The following GLRA2 variants were observed in gnomAD, a reference collection of about 807,000 sequenced individuals.
GLRA2 encodes glycine receptor alpha 2.
In GLRA2, 11 loss-of-function variants were observed where a neutral mutation model predicts 31.6. That is an observed-to-expected ratio of 0.35 (90% CI 0.22 to 0.58). GLRA2 has a LOEUF of 0.58. Ranked by LOEUF, GLRA2 falls within the 20% of genes least tolerant of loss-of-function variation. The pLI is 0.84. For missense variants in GLRA2, 212 were observed against 351.8 expected, an observed-to-expected ratio of 0.60 and a Z score of 3.18; for synonymous variants, 132 against 134.0, an observed-to-expected ratio of 0.99 and a Z score of 0.10.
chrX:14,686,914 T>C (rs755832699), intron 7 of GLRA2, among the ~76,000 whole-genome samples: 13 of 112,322 alleles, frequency 1.2e-4, no homozygotes, highest in African/African-American at 4.2e-4. Flanking sequence ...CTAGCCTCGA[T>C]GGTCTTTGTT....
chrX:14,515,814 C>T, the GLRA2 span, among the ~76,000 whole-genome samples: 1 of 111,347 alleles, frequency 9.0e-6, no homozygotes, highest in African/African-American at 3.3e-5. Flanking sequence ...CCTTGTTATG[C>T]CATGTGTCTT....
chrX:14,562,165 C>G (rs897360750), intron 2 of GLRA2, among the ~76,000 whole-genome samples: 1 of 112,353 alleles, frequency 8.9e-6, no homozygotes, highest in Admixed American at 9.4e-5. Context: ...ATCAACAAAA[C>G]GGCACAGTAG....
Position 14,609,169 on chromosome X carries a change from C to G in GLRA2, c.894C>G (p.Thr298=). The change falls in exon 7 of 9, where the codon ACC becomes ACG. Residue 298 remains threonine, a synonymous_variant. Coordinates refer to ENST00000218075, the MANE Select transcript of GLRA2 (RefSeq NM_002063.4). ...ALGITTVLTM[T]TQSSGSRASL... ...GCATCACCACAGTCTTAACGATGAC[C>G]ACCCAGAGTTCAGGCTCCAGGGCAT... 3.3e-6 allele frequency: 4 copies of G among 1,198,697 alleles called. No individual in the cohort carries two copies. Among genetic ancestry groups the G allele is most frequent in the Non-Finnish European group, 4.5e-6 (4 of 884,397 alleles).
At chrX:14,487,725 T>C in the GLRA2 span, among the ~76,000 whole-genome samples, 1 of 111,952 alleles carries the variant, frequency 8.9e-6, no homozygotes, top group African/African-American at 3.2e-5. Flanking sequence ...GTAGGACATA[T>C]AAGTGGGCAA....
At chrX:14,607,289 T>C (rs2090345080) in intron 6 of GLRA2, 21 bp downstream of exon 6, 2 of 1,141,570 alleles carry the variant, frequency 1.8e-6, no homozygotes, top group Non-Finnish European at 2.3e-6. Flanking sequence ...TTTTTTTTTT[T>C]TTTCAGCTGT....
the GLRA2 span, among the ~76,000 whole-genome samples, chrX:14,485,843 C>T: frequency 9.0e-6 from 1 of 111,597 alleles, no homozygotes; most frequent in African/African-American, 3.3e-5. Flanking sequence ...TCATGTAGCT[C>T]CTCTACTGAA....
At chrX:14,513,900 C>G in the GLRA2 span, among the ~76,000 whole-genome samples, 1 of 111,789 alleles carries the variant, frequency 8.9e-6, no homozygotes, top group Non-Finnish European at 1.9e-5. Context: ...TTTGATCCAG[C>G]AATCCCCTTA....
intron 7 of GLRA2, among the ~76,000 whole-genome samples, chrX:14,688,419 C>A (rs907001735): frequency 9.0e-6 from 1 of 111,492 alleles, no homozygotes; most frequent in Non-Finnish European, 1.9e-5. Flanking sequence ...CAGAGTCAGG[C>A]AGGCCTCCTT....
At chrX:14,451,339 G>A in the GLRA2 span, among the ~76,000 whole-genome samples, 1 of 110,508 alleles carries the variant, frequency 9.0e-6, no homozygotes, top group Non-Finnish European at 1.9e-5. Context: ...CACTTAAAAG[G>A]CACAGAGTGG....
intron 4 of GLRA2, among the ~76,000 whole-genome samples, chrX:14,588,214 T>C (rs1389390871): frequency 8.9e-6 from 1 of 111,996 alleles, no homozygotes; most frequent in African/African-American, 3.2e-5. Flanking sequence ...CTGTCTAGGA[T>C]TTTTATAGTT....
intron 2 of GLRA2, among the ~76,000 whole-genome samples, chrX:14,561,573 T>A (rs1470123753): frequency 8.9e-6 from 1 of 112,482 alleles, no homozygotes; most frequent in East Asian, 2.8e-4. Context: ...TCTGGCCCCT[T>A]AAAAAAATGA....
intron 7 of GLRA2, among the ~76,000 whole-genome samples, chrX:14,671,128 G>T (rs768260938): frequency 8.9e-6 from 1 of 112,152 alleles, no homozygotes; most frequent in East Asian, 2.8e-4. Context: ...ACTGCTTGAA[G>T]AATGTTTTTT....
intron 7 of GLRA2, among the ~76,000 whole-genome samples, chrX:14,629,930 C>T (rs1432464498): frequency 9.0e-6 from 1 of 111,455 alleles, no homozygotes; most frequent in African/African-American, 3.3e-5. Flanking sequence ...TCATAAACCC[C>T]ACAGTTCATT....
chrX:14,549,240 T>C (rs924443807), intron 2 of GLRA2, among the ~76,000 whole-genome samples: 7 of 111,501 alleles, frequency 6.3e-5, no homozygotes, highest in African/African-American at 2.3e-4. Flanking sequence ...TGGGGGATAA[T>C]AAAAGATGAG....
intron 2 of GLRA2, among the ~76,000 whole-genome samples, chrX:14,542,211 A>T (rs1347114407): frequency 8.9e-6 from 1 of 112,188 alleles, no homozygotes; most frequent in African/African-American, 3.2e-5. Flanking sequence ...TAGGAGCTTT[A>T]TGTTGAACAG....
chrX:14,564,015 TAA>T (rs1025240815), intron 2 of GLRA2, among the ~76,000 whole-genome samples: 2 of 111,077 alleles, frequency 1.8e-5, no homozygotes, highest in Admixed American at 1.9e-4. Context: ...TCCAGAAGAA[TAA>T]AGAGTGGAAA....
intron 7 of GLRA2, among the ~76,000 whole-genome samples, chrX:14,677,344 G>T (rs2091155200): frequency 1.8e-5 from 2 of 111,589 alleles, no homozygotes; most frequent in Non-Finnish European, 3.8e-5. Flanking sequence ...GTCCTTGGTG[G>T]CATGGATACA....
At chrX:14,582,157 C>T (rs1262198849) in intron 4 of GLRA2, among the ~76,000 whole-genome samples, 3 of 101,972 alleles carry the variant, frequency 2.9e-5, no homozygotes, top group Non-Finnish European at 4.0e-5. Flanking sequence ...CATGCTGGTG[C>T]ACTGCACCCA....
chrX:14,717,969 C>G (rs1339296913), intron 8 of GLRA2, among the ~76,000 whole-genome samples: 2 of 110,883 alleles, frequency 1.8e-5, no homozygotes, highest in Non-Finnish European at 3.8e-5. Context: ...AATGGTACCC[C>G]TGAGAATGTC....
Sources: gnomAD v4.1 joint callset for allele counts (sites outside exome capture counted in the v4.1 genomes callset) on GRCh38, gnomAD v4.1.1 for gene constraint, MANE v1.5 for transcripts, NCBI Gene and HGNC (gene_info 2026-07-23, HGNC 2026-07-21) for gene names.